The following C1orf21 variants were observed in gnomAD, a reference collection of about 807,000 sequenced individuals.
The protein encoded by C1orf21 is chromosome 1 open reading frame 21, also known as uncharacterized protein C1orf21.
A neutral mutation model predicts 18.7 loss-of-function variants in C1orf21; 3 were observed. The ratio of observed to expected loss-of-function variants is 0.16; its 90% confidence interval spans 0.07 to 0.42. The LOEUF (loss-of-function observed/expected upper bound fraction) is 0.42. Among genes scored for constraint, C1orf21 ranks in the 10% least tolerant of loss-of-function variants. The pLI is 0.99. For synonymous variants in C1orf21, 41 were observed against 46.4 expected, an observed-to-expected ratio of 0.88 and a Z score of 0.47; for missense variants, 104 against 143.6, an observed-to-expected ratio of 0.72 and a Z score of 1.41.
chr1:184,517,603 C>T (rs1222794380), intron 3 of C1orf21, among the ~76,000 whole-genome samples: 2 of 152,278 alleles, frequency 1.3e-5, no homozygotes, highest in East Asian at 1.9e-4. Context: ...CTCACTCTCT[C>T]CTTCTAGGGA....
intron 1 of C1orf21, among the ~76,000 whole-genome samples, chr1:184,419,831 G>C (rs1423740474): frequency 6.6e-6 from 1 of 152,166 alleles, no homozygotes; most frequent in African/African-American, 2.4e-5. Context: ...GTGGCTGGAG[G>C]GATGAGCAAA....
rs1003869445 is a variant in C1orf21, at chr1:184,458,929, G to A, written c.-124-18457G>A. On this transcript the variant is annotated intron_variant, in intron 1 of 5. Coordinates refer to ENST00000235307, the MANE Select transcript of C1orf21 (RefSeq NM_030806.4). The stretch of plus-strand genomic sequence containing the variant: ...TTTATACCTTTATTATTAAATTTCC[G>A]TGTTGTAGAAGTAAATGTTTTTCCA... 7.9e-5 allele frequency among the ~76,000 whole-genome samples: 12 copies of A among 152,232 alleles called. No homozygotes were observed. The East Asian group carries it at 1.4e-3, about 17-fold the overall frequency.
intron 3 of C1orf21, among the ~76,000 whole-genome samples, chr1:184,586,133 T>C (rs942131696): frequency 6.6e-6 from 1 of 152,218 alleles, no homozygotes; most frequent in Non-Finnish European, 1.5e-5. Flanking sequence ...TTTTCGACTT[T>C]TTAATAGCCA....
At chr1:184,556,406 G>T (rs1658879995) in intron 3 of C1orf21, among the ~76,000 whole-genome samples, 1 of 152,188 alleles carries the variant, frequency 6.6e-6, no homozygotes, top group South Asian at 2.1e-4. Flanking sequence ...TGTTCCAGAA[G>T]GCTGTGTCTG....
intron 1 of C1orf21, among the ~76,000 whole-genome samples, chr1:184,418,225 C>CTTTTTT (rs34186357): frequency 6.6e-6 from 1 of 151,164 alleles, no homozygotes; most frequent in African/African-American, 2.4e-5. Flanking sequence ...CATAACTTCT[C>CTTTTTT]TTTATTTTTT....
At chr1:184,397,866 G>A (rs1656086343) in intron 1 of C1orf21, among the ~76,000 whole-genome samples, 1 of 152,208 alleles carries the variant, frequency 6.6e-6, no homozygotes, top group Non-Finnish European at 1.5e-5. Flanking sequence ...CATCCTACCA[G>A]ATGAATAGCC....
intron 1 of C1orf21, among the ~76,000 whole-genome samples, chr1:184,449,156 C>T (rs7540492): frequency 0.021 from 3,224 of 151,882 alleles, 112 homozygotes; most frequent in African/African-American, 0.073. Context: ...CCCATTAACT[C>T]GTCATTTACA....
chr1:184,498,655 GT>G (rs1463701979), intron 2 of C1orf21, among the ~76,000 whole-genome samples: 6 of 152,180 alleles, frequency 3.9e-5, no homozygotes, highest in African/African-American at 1.4e-4. Context: ...AGGAGGGCAT[GT>G]GAGATACTAT....
chr1:184,412,380 G>C (rs1281377399), intron 1 of C1orf21: 1 of 152,202 alleles, frequency 6.6e-6, no homozygotes, highest in African/African-American at 2.4e-5. Context: ...GGAAGCCTCA[G>C]GTAGGATAAG....
chr1:184,405,264 C>T (rs1656226780), intron 1 of C1orf21, among the ~76,000 whole-genome samples: 1 of 151,994 alleles, frequency 6.6e-6, no homozygotes, highest in Non-Finnish European at 1.5e-5. Flanking sequence ...GGCACGATCA[C>T]AGCTTATTGC....
At chr1:184,546,728 GACAAA>G (rs1658733627) in intron 3 of C1orf21, among the ~76,000 whole-genome samples, 1 of 152,152 alleles carries the variant, frequency 6.6e-6, no homozygotes, top group Admixed American at 6.5e-5. Flanking sequence ...GCTCTCAGAG[GACAAA>G]ACAAAAGGCA....
chr1:184,507,712 A>T, intron 3 of C1orf21, 30 bp downstream of exon 3: 5 of 1,535,722 alleles, frequency 3.3e-6, no homozygotes, highest in Non-Finnish European at 4.4e-6. Context: ...CTTAACAATG[A>T]ATTTTGGTGA....
intron 3 of C1orf21, among the ~76,000 whole-genome samples, chr1:184,553,240 G>T (rs367808773): frequency 2.7e-4 from 41 of 152,148 alleles, no homozygotes; most frequent in Non-Finnish European, 5.4e-4. Context: ...AAGTCCAAGG[G>T]GGGGAGAAAC....
chr1:184,445,329 G>A (rs1223703546), intron 1 of C1orf21, among the ~76,000 whole-genome samples: 4 of 142,456 alleles, frequency 2.8e-5, no homozygotes, highest in Non-Finnish European at 4.5e-5. Context: ...GTAAAACCAC[G>A]CCCTTTTTTC....
In C1orf21 at chr1:184,625,713, C is replaced by T. The variant is rs535092035; in HGVS notation, c.*6157C>T. On this transcript the variant is annotated 3_prime_UTR_variant, in exon 6 of 6. Coordinates refer to ENST00000235307, the MANE Select transcript of C1orf21 (RefSeq NM_030806.4). ...GGGATACCGAAACAGGAAAAACCAG[C>T]CATCACTCTTGAGAAAGTTTGAGTT... is the stretch of plus-strand genomic sequence containing the variant. 1.3e-5 allele frequency: 2 copies of T among 152,586 alleles called. No individual in the cohort carries two copies. Among genetic ancestry groups the T allele is most frequent in the African/African-American group, 4.8e-5 (2 of 41,546 alleles). 9.5% of individuals were successfully genotyped at this position (152,586 alleles called of 1,614,324 possible). A position where few individuals can be genotyped will look rare whatever the true frequency, so the allele number is the denominator to read the frequency against.
At position 184,622,805 on chromosome 1, in the gene C1orf21, G is replaced by T. The variant is rs1421482525; in HGVS notation, c.*3249G>T. ...GAGGAGTGCTGGTTCTTCAGTCTTT[G>T]TACTGGCCCCATCCTCTCCTCACTG... On this transcript the variant is annotated 3_prime_UTR_variant, in exon 6 of 6. Transcript: ENST00000235307. The T allele has an allele frequency of 6.6e-6, 1 of 152,256 alleles. No homozygotes were observed. The highest frequency in any genetic ancestry group is 1.9e-4 in the East Asian group (1 of 5,172). 9.4% of individuals were successfully genotyped at this position (152,256 alleles called of 1,614,324 possible).
chr1:184,454,168 C>T (rs1029112063), intron 1 of C1orf21, among the ~76,000 whole-genome samples: 3 of 152,010 alleles, frequency 2.0e-5, no homozygotes, highest in Admixed American at 6.6e-5. Flanking sequence ...AACTGAGAAT[C>T]AAAGGAAAGG....
chr1:184,471,824 G>A (rs1349788051), intron 1 of C1orf21, among the ~76,000 whole-genome samples: 3 of 152,152 alleles, frequency 2.0e-5, no homozygotes, highest in South Asian at 2.1e-4. Flanking sequence ...GCATATTGTC[G>A]ATTGTCATGC....
At chr1:184,431,794 C>G (rs2101971099) in intron 1 of C1orf21, among the ~76,000 whole-genome samples, 1 of 152,172 alleles carries the variant, frequency 6.6e-6, no homozygotes, top group Admixed American at 6.5e-5. Flanking sequence ...ACAACCTCAT[C>G]AAAAAGTGGC....
Sources: allele counts gnomAD v4.1 joint callset (sites outside exome capture counted in the v4.1 genomes callset), GRCh38; gene constraint gnomAD v4.1.1; transcripts MANE v1.5; gene names NCBI Gene and HGNC (gene_info 2026-07-23, HGNC 2026-07-21).